Variants in CADPS observed in about 807,000 individuals in gnomAD.
CADPS encodes calcium dependent secretion activator, also known as calcium-dependent secretion activator 1.
Under a neutral mutation model 167.3 loss-of-function variants are expected in CADPS, and 57 were observed. The ratio of observed to expected loss-of-function variants is 0.34; its 90% CI spans 0.28 to 0.42. CADPS has a LOEUF of 0.42. CADPS is among the 20% of genes least tolerant of loss of function. The pLI is 1.00. For synonymous variants in CADPS, 676 were observed against 635.3 expected (o/e 1.06, Z -0.96); for missense variants, 1,414 against 1,738.1 (o/e 0.81, Z 3.32).
intron 9 of CADPS, among the ~76,000 whole-genome samples, chr3:62,563,005 C>T (rs976570509): frequency 3.3e-5 from 5 of 152,170 alleles, no homozygotes; most frequent in African/African-American, 1.2e-4. Context: ...CAGCGGAAAG[C>T]AGAGCCAAAA....
intron 1 of CADPS, among the ~76,000 whole-genome samples, chr3:62,795,445 T>G (rs1401659340): frequency 6.6e-6 from 1 of 152,154 alleles, no homozygotes; most frequent in African/African-American, 2.4e-5. Flanking sequence ...TCTTAGCATG[T>G]GACACTCAAT....
At chr3:62,850,930 A>C (rs1056139451) in intron 1 of CADPS, among the ~76,000 whole-genome samples, 1 of 151,574 alleles carries the variant, frequency 6.6e-6, no homozygotes, top group Admixed American at 6.6e-5. Flanking sequence ...GAGGTCACTC[A>C]GGACTTGCTT....
At chr3:62,764,447 C>T (rs1166921278) in intron 2 of CADPS, among the ~76,000 whole-genome samples, 1 of 152,136 alleles carries the variant, frequency 6.6e-6, no homozygotes, top group Non-Finnish European at 1.5e-5. Flanking sequence ...ACAAATTTGA[C>T]TTCTAAAATA....
rs533944840 is a variant in CADPS at position 62,778,159 on chromosome 3, C to T, written c.442-12175G>A. ...GTTGAACTTTCCTCAGGTTGAGTGA[C>T]GCCACTTGTCTTATCAATGGACAAA... On this transcript the variant is annotated intron_variant, in intron 1 of 29. Coordinates refer to ENST00000383710, the MANE Select transcript of CADPS (RefSeq NM_003716.4). Among the ~76,000 whole-genome samples, 4 of 152,226 alleles carry T rather than the reference C, an allele frequency of 2.6e-5. No individual in the cohort carries two copies. In the South Asian group the frequency reaches 8.3e-4, roughly 32 times the overall value.
At chr3:62,746,028 G>C (rs756181497) in intron 3 of CADPS, among the ~76,000 whole-genome samples, 1 of 152,188 alleles carries the variant, frequency 6.6e-6, no homozygotes, top group African/African-American at 2.4e-5. Flanking sequence ...AGGCAGAATG[G>C]TAAGGGAGAA....
intron 6 of CADPS, among the ~76,000 whole-genome samples, chr3:62,634,601 A>T (rs914949048): frequency 2.6e-5 from 4 of 152,240 alleles, no homozygotes; most frequent in Non-Finnish European, 5.9e-5. Context: ...TTCCAAGATC[A>T]CTGAGCATGC....
At position 62,398,638 on chromosome 3, in the gene CADPS, C is replaced by CG. The variant is rs552018987; in HGVS notation, c.*767_*768insC. 345 of 152,426 alleles carry CG rather than the reference C, an allele frequency of 2.3e-3. 4 individuals are homozygous for CG. Among genetic ancestry groups the CG allele is most frequent in the East Asian group, 2.1e-3 (11 of 5,170 alleles). The allele number at this position is 152,426 out of a possible 1,614,324, so 9.4% of individuals were successfully genotyped here. A position where few individuals can be genotyped will look rare whatever the true frequency, so the allele number is the denominator to read the frequency against. On this transcript the variant is annotated 3_prime_UTR_variant, in exon 30 of 30. Coordinates refer to ENST00000383710, the MANE Select transcript of CADPS (RefSeq NM_003716.4). The stretch of plus-strand genomic sequence containing the variant: ...AGTCTAGGGTTGTAATTTAAATATT[C>CG]ATTTTTTTTACATACACAGTTGAGA...
intron 6 of CADPS, among the ~76,000 whole-genome samples, chr3:62,639,674 T>C (rs1563211328): frequency 2.0e-5 from 3 of 152,198 alleles, no homozygotes; most frequent in Non-Finnish European, 1.5e-5. Context: ...AAGATGGAAA[T>C]ACAATCATAT....
At chr3:62,799,578 G>A (rs1181683152) in intron 1 of CADPS, among the ~76,000 whole-genome samples, 1 of 152,174 alleles carries the variant, frequency 6.6e-6, no homozygotes, top group African/African-American at 2.4e-5. Context: ...AAATTCTAGA[G>A]TCAAATCAAC....
chr3:62,720,565 C>G (rs887838695), intron 3 of CADPS, among the ~76,000 whole-genome samples: 14 of 152,244 alleles, frequency 9.2e-5, no homozygotes, highest in African/African-American at 3.4e-4. Flanking sequence ...TCTCAAACAC[C>G]TGGCCTCAAG....
rs2068596448 is a variant in CADPS, at chr3:62,646,387, G to A, written c.1204-544C>T. Among the ~76,000 whole-genome samples the A allele has an allele frequency of 2.6e-5, 4 of 151,666 alleles. No individual in the cohort carries two copies. In the South Asian group the frequency reaches 8.3e-4, roughly 32 times the overall value. ...GAGTTTTATCACTCTGTCTAGACTG[G>A]TCTCGAACTCCTGACCTCAGGCACT... On this transcript the variant is annotated intron_variant, in intron 5 of 29. Transcript: ENST00000383710.
chr3:62,596,873 G>C (rs1450358089), intron 6 of CADPS, among the ~76,000 whole-genome samples: 1 of 152,132 alleles, frequency 6.6e-6, no homozygotes, highest in African/African-American at 2.4e-5. Context: ...GAAAACTGAA[G>C]AGACACTCAA....
intron 1 of CADPS, among the ~76,000 whole-genome samples, chr3:62,780,178 G>A (rs1208478389): frequency 6.6e-6 from 1 of 151,958 alleles, no homozygotes; most frequent in Non-Finnish European, 1.5e-5. Flanking sequence ...TGGCCTCAGG[G>A]GTATTTTCCA....
In CADPS at chr3:62,563,195, A is replaced by G. The variant is rs1562206071; in HGVS notation, c.1645-5682T>C. The stretch of plus-strand genomic sequence containing the variant: ...TAACCAGACTATATCTGATAACCAG[A>G]TATCTGATAACCAGAATATAAATAT... On this transcript the variant is annotated intron_variant, in intron 9 of 29. Coordinates refer to ENST00000383710, the MANE Select transcript of CADPS (RefSeq NM_003716.4). Among the ~76,000 whole-genome samples the G allele has an allele frequency of 1.3e-5, 2 of 151,294 alleles. 1 individual carries two copies. Among genetic ancestry groups the G allele is most frequent in the Middle Eastern group, 6.4e-3 (2 of 314 alleles).
intron 6 of CADPS, among the ~76,000 whole-genome samples, chr3:62,637,776 G>A (rs1233180766): frequency 6.6e-6 from 1 of 152,110 alleles, no homozygotes; most frequent in East Asian, 1.9e-4. Flanking sequence ...CTTAGCTATT[G>A]TATCTGCAAC....
chr3:62,614,193 T>A (rs2061913974), intron 6 of CADPS, among the ~76,000 whole-genome samples: 1 of 152,230 alleles, frequency 6.6e-6, no homozygotes, highest in Non-Finnish European at 1.5e-5. Context: ...TTTTATTTAA[T>A]CCTCACAGTG....
At chr3:62,623,967 G>A (rs1195123168) in intron 6 of CADPS, among the ~76,000 whole-genome samples, 2 of 151,432 alleles carry the variant, frequency 1.3e-5, no homozygotes, top group South Asian at 4.2e-4. Flanking sequence ...CACCACGAGG[G>A]TGGGGGTGCT....
chr3:62,541,423 A>G (rs577446944), intron 11 of CADPS, among the ~76,000 whole-genome samples: 1 of 152,166 alleles, frequency 6.6e-6, no homozygotes, highest in Non-Finnish European at 1.5e-5. Context: ...ACTGACTTCA[A>G]ACTAAGCTTG....
intron 10 of CADPS, among the ~76,000 whole-genome samples, chr3:62,555,248 G>A (rs1217757556): frequency 6.6e-6 from 1 of 152,134 alleles, no homozygotes; most frequent in Non-Finnish European, 1.5e-5. Flanking sequence ...CTTTCGTATA[G>A]AAATTTATAA....
Sources: allele counts gnomAD v4.1 joint callset (sites outside exome capture counted in the v4.1 genomes callset), GRCh38; gene constraint gnomAD v4.1.1; transcripts MANE v1.5; gene names NCBI Gene and HGNC (gene_info 2026-07-23, HGNC 2026-07-21).